SYNPO: variants seen among roughly 807,000 people sequenced by gnomAD.
SYNPO encodes the protein synaptopodin.
Under a neutral mutation model 49.5 loss-of-function variants are expected in SYNPO, and 19 were observed. The observed-to-expected ratio is 0.38, with a 90% CI of 0.27 to 0.56. The LOEUF is 0.56. Ranked by LOEUF, SYNPO falls within the 20% of genes least tolerant of loss-of-function variation. The pLI is 0.68. For synonymous variants in SYNPO, 536 were observed against 548.0 expected (o/e 0.98, Z 0.31); for missense variants, 1,131 against 1,248.3 (o/e 0.91, Z 1.42).
upstream of SYNPO, among the ~76,000 whole-genome samples, chr5:150,639,465 C>A (rs558353626): frequency 8.5e-5 from 13 of 152,206 alleles, no homozygotes; most frequent in African/African-American, 2.6e-4. Context: ...AAGAAGTGGC[C>A]GTTGGGCTGG....
intron 2 of SYNPO, among the ~76,000 whole-genome samples, chr5:150,627,174 G>A (rs574315444): frequency 1.3e-3 from 197 of 152,312 alleles, no homozygotes; most frequent in African/African-American, 4.6e-3. Flanking sequence ...AGGAAGGGAG[G>A]GACTGAGGGG....
At chr5:150,600,445 G>A (rs1310880831), upstream of SYNPO, among the ~76,000 whole-genome samples, 1 of 152,242 alleles carries the variant, frequency 6.6e-6, no homozygotes, top group Non-Finnish European at 1.5e-5. Flanking sequence ...CCTGTTGAAA[G>A]AAGAAGGCAC....
upstream of SYNPO, among the ~76,000 whole-genome samples, chr5:150,600,746 G>C (rs1756506655): frequency 6.6e-6 from 1 of 152,130 alleles, no homozygotes; most frequent in African/African-American, 2.4e-5. Flanking sequence ...CTCCAGGAAG[G>C]GGCAAAGCCA....
upstream of SYNPO, among the ~76,000 whole-genome samples, chr5:150,639,829 C>G (rs1757834760): frequency 6.6e-6 from 1 of 152,222 alleles, no homozygotes; most frequent in African/African-American, 2.4e-5. Context: ...CGAAGTGAAG[C>G]AGTAGAGGCC....
chr5:150,619,987 T>G (rs59196090), intron 2 of SYNPO, among the ~76,000 whole-genome samples: 14,836 of 151,730 alleles, frequency 0.098, 1,735 homozygotes, highest in East Asian at 0.27. Context: ...CACACCAGAG[T>G]CCGCCCAAAT....
rs1758337435 is a variant in SYNPO at position 150,650,536 on chromosome 5, C to T, written c.2028+233C>T. 3 of 1,471,162 alleles carry T rather than the reference C, an allele frequency of 2.0e-6. No individual in the cohort carries two copies. The South Asian group carries it at 4.3e-5, about 21-fold the overall frequency. 91.1% of individuals were successfully genotyped at this position (1,471,162 alleles called of 1,614,324 possible). ...AGCTGAAGCCGCCCCTCCCCTACTA[C>T]AACAGGGGTCGGACTCCATGTCTGA... is the stretch of plus-strand genomic sequence containing the variant. On this transcript the variant is annotated intron_variant, in intron 2 of 2. Transcript: ENST00000307662.
chr5:150,650,930 C>T (rs1198134835), intron 2 of SYNPO: 9 of 1,254,500 alleles, frequency 7.2e-6, no homozygotes, highest in Admixed American at 3.9e-5. Flanking sequence ...CCTCCGCCTG[C>T]GCTCCCCTCC....
At chr5:150,640,248 T>G (rs74528386), upstream of SYNPO, 1,006 of 859,466 alleles carry the variant, frequency 1.2e-3, 7 homozygotes, top group African/African-American at 0.016. Flanking sequence ...GTGGTGGCAT[T>G]CTAGGTAGGC....
At chr5:150,587,199 GATGGATGGATATAGGGATGC>G in the SYNPO span, among the ~76,000 whole-genome samples, 1 of 152,036 alleles carries the variant, frequency 6.6e-6, no homozygotes, top group African/African-American at 2.4e-5. Flanking sequence ...TGGATGGATG[GATGGATGGATATAGGGATGC>G]ATGGATGGAT....
At chr5:150,606,192 C>T (rs894513917) in intron 1 of SYNPO, among the ~76,000 whole-genome samples, 2 of 152,172 alleles carry the variant, frequency 1.3e-5, no homozygotes, top group Admixed American at 6.5e-5. Context: ...GACACAGACA[C>T]GCACACAGAC....
At position 150,643,691 on chromosome 5, in the gene SYNPO, C is replaced by T. The variant is rs1176488576; in HGVS notation, c.-333+2837C>T. Among the ~76,000 whole-genome samples the T allele has an allele frequency of 2.6e-5, 4 of 152,128 alleles. 1 individual carries two copies. The highest frequency in any genetic ancestry group is 4.1e-4 in the South Asian group (2 of 4,826). On this transcript the variant is annotated intron_variant, in intron 1 of 2. Coordinates refer to ENST00000307662, the MANE Select transcript of SYNPO (RefSeq NM_007286.6). Reference sequence around the variant, plus strand: ...CTGGGATTACAGGCGCCCGCCACCACGCTTGGCTAATTTTTGTATTTTTAG... The same window carrying T: ...CTGGGATTACAGGCGCCCGCCACCATGCTTGGCTAATTTTTGTATTTTTAG...
chr5:150,596,032 G>T, the SYNPO span, among the ~76,000 whole-genome samples: 14 of 152,348 alleles, frequency 9.2e-5, no homozygotes, highest in South Asian at 2.1e-4. Flanking sequence ...TTGGGGGGAG[G>T]TCTTGTTTAC....
In SYNPO at chr5:150,650,162, G is replaced by A; in HGVS notation, c.1887G>A (p.Gln629=). 1 of 1,613,898 alleles carries A rather than the reference G, an allele frequency of 6.2e-7. No individual in the cohort carries two copies. The highest frequency in any genetic ancestry group is 1.1e-5 in the South Asian group (1 of 91,076). The change falls in exon 2 of 3, where the codon CAG becomes CAA. Residue 629 remains glutamine, a synonymous_variant. Coordinates refer to ENST00000307662, the MANE Select transcript of SYNPO (RefSeq NM_007286.6). ...SSPGLYTSPG[Q]DSLQPTAVSP... ...CGGGCCTCTACACCTCCCCCGGCCA[G>A]GACAGCCTGCAGCCCACTGCCGTGA... is the stretch of plus-strand genomic sequence containing the variant.
intron 1 of SYNPO, among the ~76,000 whole-genome samples, chr5:150,613,229 C>T (rs1054353437): frequency 6.6e-6 from 1 of 152,212 alleles, no homozygotes; most frequent in African/African-American, 2.4e-5. Context: ...ACCTACAGAG[C>T]TGGGCCTTGC....
exon 2 of SYNPO, chr5:150,618,538 G>GGAT: frequency 1.9e-6 from 3 of 1,550,868 alleles, no homozygotes; most frequent in Non-Finnish European, 2.6e-6. Flanking sequence ...ACCTGGAAGA[G>GGAT]GATGAGGGGG....
chr5:150,620,262 T>C (rs1757110922), intron 2 of SYNPO, among the ~76,000 whole-genome samples: 1 of 152,238 alleles, frequency 6.6e-6, no homozygotes, highest in South Asian at 2.1e-4. Context: ...GTAATCTAGA[T>C]AGGTATGTAA....
At chr5:150,627,920 C>A (rs989033678) in intron 2 of SYNPO, among the ~76,000 whole-genome samples, 1 of 152,040 alleles carries the variant, frequency 6.6e-6, no homozygotes, top group East Asian at 1.9e-4. Context: ...CTTCAGACTG[C>A]AGATCCAAAG....
upstream of SYNPO, among the ~76,000 whole-genome samples, chr5:150,638,246 C>T (rs1383128639): frequency 6.6e-6 from 1 of 152,162 alleles, no homozygotes; most frequent in Non-Finnish European, 1.5e-5. Context: ...CATCCTAATT[C>T]ATCTTTCTCT....
rs142904655 is a variant in SYNPO, at chr5:150,658,398, C to T, written c.*1311C>T. ...AAGTAGACATTATCCTGCCCCATCC[C>T]TTCCCCAGTGCACTCTGACCTAGCT... On this transcript the variant is annotated 3_prime_UTR_variant, in exon 3 of 3. Transcript: ENST00000307662. The T allele has an allele frequency of 1.3e-5, 2 of 152,578 alleles. No individual in the cohort carries two copies. Among genetic ancestry groups the T allele is most frequent in the African/African-American group, 4.8e-5 (2 of 41,568 alleles). The allele number at this position is 152,578 out of a possible 1,614,324, so 9.5% of individuals were successfully genotyped here. A position where few individuals can be genotyped will look rare whatever the true frequency, so the allele number is the denominator to read the frequency against.
Sources: allele counts gnomAD v4.1 joint callset (sites outside exome capture counted in the v4.1 genomes callset), GRCh38; gene constraint gnomAD v4.1.1; transcripts MANE v1.5; gene names NCBI Gene and HGNC (gene_info 2026-07-23, HGNC 2026-07-21).